The following GRM3 variants were observed in gnomAD, a reference collection of about 807,000 sequenced individuals.
The protein encoded by GRM3 is metabotropic glutamate receptor 3.
In GRM3, 26 loss-of-function variants were observed where a neutral mutation model predicts 70.5. The ratio of observed to expected loss-of-function variants is 0.37; its 90% CI spans 0.27 to 0.51. GRM3 has a LOEUF of 0.51. GRM3 is among the 20% of genes least tolerant of loss of function. The pLI is 0.93. For synonymous variants in GRM3, 443 were observed against 434.9 expected, an observed-to-expected ratio of 1.02 and a Z score of -0.23; for missense variants, 859 against 1,123.8, an observed-to-expected ratio of 0.76 and a Z score of 3.37.
intron 1 of GRM3, among the ~76,000 whole-genome samples, chr7:86,655,166 G>T (rs73704953): frequency 6.6e-6 from 1 of 152,100 alleles, no homozygotes; most frequent in Non-Finnish European, 1.5e-5. Context: ...CTTTCTGTTT[G>T]CACCAAATAC....
At position 86,827,380 on chromosome 7, in the gene GRM3, G is replaced by A. The variant is rs534969782; in HGVS notation, c.1325-11459G>A. On this transcript the variant is annotated intron_variant, in intron 3 of 5. Transcript: ENST00000361669. Reference sequence around the variant, plus strand: ...GCATTAAAACTAAAGACTGTACTGGGCATTAAATTTTAGAATTTATGTTTA... The same window carrying A: ...GCATTAAAACTAAAGACTGTACTGGACATTAAATTTTAGAATTTATGTTTA... Among the ~76,000 whole-genome samples the A allele has an allele frequency of 2.6e-5, 4 of 152,220 alleles. No individual in the cohort carries two copies. In the East Asian group the frequency reaches 7.7e-4, roughly 29 times the overall value.
intron 1 of GRM3, among the ~76,000 whole-genome samples, chr7:86,650,924 G>A (rs1041712346): frequency 6.6e-6 from 1 of 152,172 alleles, no homozygotes; most frequent in Non-Finnish European, 1.5e-5. Context: ...TGCTGAAGTA[G>A]TAATGGTTCA....
intron 1 of GRM3, among the ~76,000 whole-genome samples, chr7:86,755,470 G>A (rs928506046): frequency 1.3e-5 from 2 of 152,224 alleles, no homozygotes; most frequent in East Asian, 1.9e-4. Context: ...AAATATGGGG[G>A]TTAAGGATGG....
At chr7:86,701,142 G>A (rs1325680393) in intron 1 of GRM3, among the ~76,000 whole-genome samples, 1 of 151,502 alleles carries the variant, frequency 6.6e-6, no homozygotes, top group Non-Finnish European at 1.5e-5. Flanking sequence ...AGCCTAATAA[G>A]AAACTAAATA....
At chr7:86,657,278 A>G (rs1314217317) in intron 1 of GRM3, among the ~76,000 whole-genome samples, 5 of 152,242 alleles carry the variant, frequency 3.3e-5, no homozygotes, top group Admixed American at 3.3e-4. Context: ...AAAATCTTAT[A>G]GGAGAGATGA....
intron 1 of GRM3, among the ~76,000 whole-genome samples, chr7:86,736,299 G>A (rs183503548): frequency 1.6e-4 from 25 of 152,270 alleles, no homozygotes; most frequent in African/African-American, 6.0e-4. Context: ...TCTTCCTGCA[G>A]GTGGTGTGCC....
intron 2 of GRM3, among the ~76,000 whole-genome samples, chr7:86,778,375 A>C (rs1324744731): frequency 6.6e-6 from 1 of 152,186 alleles, no homozygotes; most frequent in Non-Finnish European, 1.5e-5. Context: ...TTCTCATAGC[A>C]CTAAAAAATC....
At chr7:86,773,071 G>T (rs1468381958) in intron 2 of GRM3, among the ~76,000 whole-genome samples, 1 of 151,922 alleles carries the variant, frequency 6.6e-6, no homozygotes, top group Non-Finnish European at 1.5e-5. Context: ...TGTTGCTGAG[G>T]TTTGGGGTAC....
chr7:86,724,315 G>C (rs1795542351), intron 1 of GRM3, among the ~76,000 whole-genome samples: 1 of 152,088 alleles, frequency 6.6e-6, no homozygotes, highest in Non-Finnish European at 1.5e-5. Flanking sequence ...GGAGTGCCTG[G>C]GAAAGGGCTA....
intron 3 of GRM3, among the ~76,000 whole-genome samples, chr7:86,806,936 G>A (rs1342006027): frequency 6.7e-6 from 1 of 149,736 alleles, no homozygotes; most frequent in Non-Finnish European, 1.5e-5. Flanking sequence ...GGTTTAAGGA[G>A]GGGGTCCAGT....
chr7:86,844,367 C>G (rs1259032554), intron 4 of GRM3, among the ~76,000 whole-genome samples: 3 of 152,076 alleles, frequency 2.0e-5, no homozygotes, highest in African/African-American at 7.2e-5. Flanking sequence ...ACAAAAATAT[C>G]TTAGAAAAGA....
intron 1 of GRM3, among the ~76,000 whole-genome samples, chr7:86,716,578 A>AG (rs1027317395): frequency 1.2e-4 from 18 of 151,956 alleles, no homozygotes; most frequent in Admixed American, 2.6e-4. Flanking sequence ...TGATGCCAGG[A>AG]GGGAGTGAGC....
At chr7:86,767,889 T>C (rs1481823328) in intron 2 of GRM3, among the ~76,000 whole-genome samples, 2 of 152,078 alleles carry the variant, frequency 1.3e-5, no homozygotes, top group African/African-American at 4.8e-5. Context: ...AAATGTGGGC[T>C]ACCAAAACCC....
At chr7:86,646,992 A>T (rs1793490071) in intron 1 of GRM3, among the ~76,000 whole-genome samples, 1 of 152,200 alleles carries the variant, frequency 6.6e-6, no homozygotes, top group Non-Finnish European at 1.5e-5. Flanking sequence ...ATATCACTGT[A>T]ATTAAAATTG....
intron 1 of GRM3, among the ~76,000 whole-genome samples, chr7:86,714,359 A>G (rs1389953984): frequency 6.6e-6 from 1 of 152,010 alleles, no homozygotes; most frequent in Non-Finnish European, 1.5e-5. Flanking sequence ...ACAAGCTCAA[A>G]TAATAGTAAT....
intron 1 of GRM3, among the ~76,000 whole-genome samples, chr7:86,750,181 T>G (rs1487813886): frequency 6.6e-6 from 1 of 152,078 alleles, no homozygotes; most frequent in Non-Finnish European, 1.5e-5. Flanking sequence ...ACACCTAATA[T>G]ATGCCTGGCA....
intron 2 of GRM3, among the ~76,000 whole-genome samples, chr7:86,779,220 G>A (rs1308628800): frequency 6.6e-6 from 1 of 152,160 alleles, no homozygotes; most frequent in African/African-American, 2.4e-5. Flanking sequence ...CAAGAATAAG[G>A]GAGCAAGTGG....
intron 1 of GRM3, among the ~76,000 whole-genome samples, chr7:86,735,026 T>C (rs1323965447): frequency 6.6e-6 from 1 of 152,176 alleles, no homozygotes; most frequent in Admixed American, 6.5e-5. Flanking sequence ...AGGAAGGCAA[T>C]AAATGGAGCA....
At chr7:86,826,192 T>G (rs1798229571) in intron 3 of GRM3, among the ~76,000 whole-genome samples, 1 of 152,208 alleles carries the variant, frequency 6.6e-6, no homozygotes, top group Admixed American at 6.5e-5. Flanking sequence ...TTTTGGAGAC[T>G]GTTGCAAAGT....
Sources: gnomAD v4.1 joint callset for allele counts (sites outside exome capture counted in the v4.1 genomes callset) on GRCh38, gnomAD v4.1.1 for gene constraint, MANE v1.5 for transcripts, NCBI Gene and HGNC (gene_info 2026-07-23, HGNC 2026-07-21) for gene names.